The following MCU variants were observed in gnomAD, a reference collection of about 807,000 sequenced individuals.
MCU encodes mitochondrial calcium uniporter.
Under a neutral mutation model 45.2 loss-of-function variants are expected in MCU, and 12 were observed. The observed-to-expected ratio is 0.27, with a 90% CI of 0.17 to 0.43. The LOEUF (loss-of-function observed/expected upper bound fraction) is 0.43. Ranked by LOEUF, MCU falls within the 20% of genes least tolerant of loss-of-function variation. MCU has a pLI of 1.00. For synonymous variants in MCU, 160 were observed against 165.1 expected, an observed-to-expected ratio of 0.97 and a Z score of 0.24; for missense variants, 324 against 436.7, an observed-to-expected ratio of 0.74 and a Z score of 2.30.
chr10:72,834,476 T>C, intron 2 of MCU, 48 bp downstream of exon 2: 1 of 1,500,698 alleles, frequency 6.7e-7, no homozygotes, highest in Non-Finnish European at 9.2e-7. Flanking sequence ...ATTTCCTTCT[T>C]AGCTCAGTGT....
chr10:72,734,109 GT>G (rs1458048595), intron 1 of MCU, among the ~76,000 whole-genome samples: 1 of 152,018 alleles, frequency 6.6e-6, no homozygotes, highest in African/African-American at 2.4e-5. Flanking sequence ...GATTGGGTGC[GT>G]TTGCTCACAC....
intron 1 of MCU, among the ~76,000 whole-genome samples, chr10:72,741,514 A>G (rs79867805): frequency 0.026 from 4,004 of 152,322 alleles, 75 homozygotes; most frequent in Admixed American, 0.038. Context: ...ACATAGAGAG[A>G]CAGTCTTCTT....
At chr10:72,709,063 G>GT (rs1842857777) in intron 1 of MCU, among the ~76,000 whole-genome samples, 2 of 152,236 alleles carry the variant, frequency 1.3e-5, no homozygotes, top group South Asian at 4.1e-4. Context: ...GGCATGATTG[G>GT]TGGGGGTATG....
intron 1 of MCU, among the ~76,000 whole-genome samples, chr10:72,804,190 G>A (rs902766465): frequency 5.3e-5 from 8 of 149,850 alleles, no homozygotes; most frequent in African/African-American, 2.0e-4. Flanking sequence ...GGGTTCAAGT[G>A]ATTCTCGTGC....
intron 1 of MCU, among the ~76,000 whole-genome samples, chr10:72,803,085 T>C (rs991347409): frequency 1.3e-5 from 2 of 152,212 alleles, no homozygotes; most frequent in Non-Finnish European, 2.9e-5. Flanking sequence ...GAAGATAGGC[T>C]TAAAACAGAA....
intron 1 of MCU, among the ~76,000 whole-genome samples, chr10:72,806,493 T>G (rs1442278085): frequency 6.6e-6 from 1 of 152,172 alleles, no homozygotes; most frequent in Non-Finnish European, 1.5e-5. Context: ...GTGGAGGCCT[T>G]TGATTCATTA....
intron 6 of MCU, among the ~76,000 whole-genome samples, chr10:72,876,072 G>A (rs550188604): frequency 5.7e-4 from 87 of 152,274 alleles, no homozygotes; most frequent in African/African-American, 2.1e-3. Context: ...AATGAAAAAA[G>A]TGTTGATAAA....
At chr10:72,796,699 T>TG (rs919109388) in intron 1 of MCU, among the ~76,000 whole-genome samples, 6 of 150,244 alleles carry the variant, frequency 4.0e-5, no homozygotes, top group African/African-American at 9.7e-5. Context: ...TTTTGTTTTT[T>TG]TTTTTTTTTG....
intron 1 of MCU, among the ~76,000 whole-genome samples, chr10:72,761,740 G>T (rs1191145788): frequency 6.6e-6 from 1 of 152,090 alleles, no homozygotes; most frequent in Non-Finnish European, 1.5e-5. Flanking sequence ...ATAGTTTTTT[G>T]ATTGTATAGA....
At chr10:72,822,877 T>C (rs1449216759) in intron 1 of MCU, among the ~76,000 whole-genome samples, 1 of 152,060 alleles carries the variant, frequency 6.6e-6, no homozygotes, top group East Asian at 1.9e-4. Flanking sequence ...TTGGTAAGGA[T>C]ATAGAGAAAT....
intron 1 of MCU, among the ~76,000 whole-genome samples, chr10:72,805,077 G>GTTCC (rs1844410308): frequency 1.4e-5 from 2 of 141,046 alleles, no homozygotes; most frequent in East Asian, 4.3e-4. Context: ...GCCCTAGTTT[G>GTTCC]TTTCTTTCTT....
intron 1 of MCU, among the ~76,000 whole-genome samples, chr10:72,772,077 AG>A (rs1843818082): frequency 6.6e-6 from 1 of 152,258 alleles, no homozygotes; most frequent in South Asian, 2.1e-4. Context: ...TGGGAAGCAC[AG>A]TGACTGCCTG....
chr10:72,809,369 T>C (rs1844503383), intron 1 of MCU, among the ~76,000 whole-genome samples: 1 of 152,146 alleles, frequency 6.6e-6, no homozygotes, highest in African/African-American at 2.4e-5. Flanking sequence ...CACTGAATTA[T>C]ATTAATATTC....
chr10:72,862,908 T>TA lies in MCU; in HGVS notation c.496+2390dup, dbSNP rs1346703675. On this transcript the variant is annotated intron_variant, in intron 4 of 7. Coordinates refer to ENST00000373053, the MANE Select transcript of MCU (RefSeq NM_138357.3). ...AACCAGCCTGGGCAACACATCTTTT[T>TA]AAAAAAAAAGAAAAAAAAAAAAGAA... is the stretch of plus-strand genomic sequence containing the variant. Among the ~76,000 whole-genome samples, 29 of 146,602 alleles carry TA rather than the reference T, an allele frequency of 2.0e-4. 1 individual carries two copies. In the South Asian group the frequency reaches 2.4e-3, roughly 12 times the overall value.
intron 1 of MCU, among the ~76,000 whole-genome samples, chr10:72,727,180 G>T (rs943864584): frequency 2.0e-5 from 3 of 152,188 alleles, no homozygotes; most frequent in Non-Finnish European, 4.4e-5. Flanking sequence ...TAGAGCACCA[G>T]TGCTCAGAGA....
At chr10:72,755,242 G>A (rs539745118) in intron 1 of MCU, among the ~76,000 whole-genome samples, 6 of 149,504 alleles carry the variant, frequency 4.0e-5, no homozygotes, top group Middle Eastern at 7.0e-3. Flanking sequence ...TCTGCCTCCC[G>A]GGTTCAAGCA....
intron 6 of MCU, among the ~76,000 whole-genome samples, chr10:72,878,066 G>C (rs1057337549): frequency 1.4e-5 from 2 of 142,570 alleles, no homozygotes; most frequent in Non-Finnish European, 3.1e-5. Flanking sequence ...CCTGGGAGGA[G>C]ATAACATTAT....
intron 1 of MCU, among the ~76,000 whole-genome samples, chr10:72,810,471 T>G (rs946988544): frequency 6.3e-5 from 9 of 143,738 alleles, no homozygotes; most frequent in African/African-American, 2.3e-4. Flanking sequence ...CTTTTTTTTT[T>G]TTTTTTTTTT....
At chr10:72,727,630 G>A (rs983360770) in intron 1 of MCU, among the ~76,000 whole-genome samples, 4 of 151,864 alleles carry the variant, frequency 2.6e-5, no homozygotes, top group Admixed American at 1.3e-4. Flanking sequence ...TGAATTCTTC[G>A]TGTTGGTTCC....
Sources: gnomAD v4.1 joint callset for allele counts (sites outside exome capture counted in the v4.1 genomes callset) on GRCh38, gnomAD v4.1.1 for gene constraint, MANE v1.5 for transcripts, NCBI Gene and HGNC (gene_info 2026-07-23, HGNC 2026-07-21) for gene names.